The following BACH2 variants were observed in gnomAD, a reference collection of about 807,000 sequenced individuals.
BACH2 encodes BACH transcriptional regulator 2, also known as transcription regulator protein BACH2.
BACH2 carries 5 observed loss-of-function variants against 61.8 expected under a neutral mutation model. That is an observed-to-expected ratio of 0.08 (90% CI 0.04 to 0.17). BACH2 has a LOEUF of 0.17. Ranked by LOEUF, BACH2 falls within the 10% of genes least tolerant of loss-of-function variation. The pLI is 1.00. For missense variants in BACH2, 824 were observed against 1,091.1 expected (o/e 0.76, Z 3.45); for synonymous variants, 446 against 440.1 (o/e 1.01, Z -0.17).
Position 89,932,316 on chromosome 6 carries a change from T to C in BACH2, c.*92A>G, listed in dbSNP as rs1160836882. 1.3e-6 allele frequency: 2 copies of C among 1,494,570 alleles called. No individual in the cohort carries two copies. The highest frequency in any genetic ancestry group is 1.8e-6 in the Non-Finnish European group (2 of 1,102,502). 92.6% of individuals were successfully genotyped at this position (1,494,570 alleles called of 1,614,324 possible). A position where few individuals can be genotyped will look rare whatever the true frequency, so the allele number is the denominator to read the frequency against. ...TAGTGTGCACCAAATGTGTTCTCGG[T>C]TTCTTCGGGACAGCAGATGAACAGT... On this transcript the variant is annotated 3_prime_UTR_variant, in exon 9 of 9. Transcript: ENST00000257749.
At chr6:90,079,034 C>G (rs1002458177) in intron 5 of BACH2, among the ~76,000 whole-genome samples, 1 of 152,184 alleles carries the variant, frequency 6.6e-6, no homozygotes, top group Non-Finnish European at 1.5e-5. Context: ...GCCACAACCA[C>G]TCAGTCAGTG....
At chr6:89,935,860 T>G (rs980279869) in intron 8 of BACH2, among the ~76,000 whole-genome samples, 1 of 152,222 alleles carries the variant, frequency 6.6e-6, no homozygotes, top group Non-Finnish European at 1.5e-5. Flanking sequence ...TAGGCCCCTG[T>G]AGACTCACAC....
At chr6:90,030,452 G>A (rs563781414) in intron 5 of BACH2, among the ~76,000 whole-genome samples, 56 of 152,108 alleles carry the variant, frequency 3.7e-4, no homozygotes, top group East Asian at 1.5e-3. Flanking sequence ...TTGATAGACC[G>A]CTAGCAAGAC....
chr6:90,038,140 C>T (rs1475695288), intron 5 of BACH2, among the ~76,000 whole-genome samples: 3 of 152,162 alleles, frequency 2.0e-5, no homozygotes, highest in Non-Finnish European at 4.4e-5. Context: ...ACTAGAACAA[C>T]CTTAAAGAAG....
chr6:89,999,552 A>G (rs1274516896), intron 6 of BACH2, among the ~76,000 whole-genome samples: 1 of 152,206 alleles, frequency 6.6e-6, no homozygotes, highest in Non-Finnish European at 1.5e-5. Flanking sequence ...TCATAAATTA[A>G]AAAGTTTAAT....
intron 6 of BACH2, among the ~76,000 whole-genome samples, chr6:89,986,283 A>G (rs887412321): frequency 3.3e-5 from 5 of 149,608 alleles, no homozygotes; most frequent in African/African-American, 9.9e-5. Flanking sequence ...CCTTGTGGGC[A>G]TATTTCTCCT....
intron 4 of BACH2, among the ~76,000 whole-genome samples, chr6:90,134,446 A>G (rs1206502764): frequency 6.6e-6 from 1 of 152,220 alleles, no homozygotes; most frequent in East Asian, 1.9e-4. Flanking sequence ...ACATTTTACA[A>G]GAGGATGGAT....
chr6:90,124,156 C>G (rs2127820918), intron 4 of BACH2, among the ~76,000 whole-genome samples: 1 of 152,306 alleles, frequency 6.6e-6, no homozygotes, highest in Middle Eastern at 3.4e-3. Context: ...CCCAGGTGGT[C>G]TGCTCCCTCC....
Position 90,160,958 on chromosome 6 carries a change from T to C in BACH2, c.-162+45611A>G, listed in dbSNP as rs542979640. Among the ~76,000 whole-genome samples the C allele has an allele frequency of 3.0e-4, 46 of 151,992 alleles. No homozygotes were observed. The East Asian group carries it at 7.8e-3, about 26-fold the overall frequency. The stretch of plus-strand genomic sequence containing the variant: ...CAAAAATTAGCTGGGCGTGGTGGCG[T>C]GCGCTTGTAGTACCAGCTACTCTGG... On this transcript the variant is annotated intron_variant, in intron 4 of 8. Transcript: ENST00000257749.
chr6:90,094,776 C>T (rs893997015), intron 4 of BACH2, among the ~76,000 whole-genome samples: 5 of 152,122 alleles, frequency 3.3e-5, no homozygotes, highest in African/African-American at 9.7e-5. Flanking sequence ...GCCAATCTTT[C>T]GAGCTTCACC....
At chr6:90,124,731 C>G (rs1419967249) in intron 4 of BACH2, among the ~76,000 whole-genome samples, 1 of 152,106 alleles carries the variant, frequency 6.6e-6, no homozygotes, top group East Asian at 1.9e-4. Flanking sequence ...CAATGCTCAC[C>G]TAAAAATCCT....
intron 6 of BACH2, among the ~76,000 whole-genome samples, chr6:89,974,435 A>T (rs1178221411): frequency 6.6e-6 from 1 of 152,208 alleles, no homozygotes; most frequent in East Asian, 1.9e-4. Flanking sequence ...GACACAAGGG[A>T]TATGCAAAAG....
intron 4 of BACH2, among the ~76,000 whole-genome samples, chr6:90,193,979 C>G (rs1582470653): frequency 6.6e-6 from 1 of 152,066 alleles, no homozygotes; most frequent in Admixed American, 6.6e-5. Flanking sequence ...CTCTCTTCTG[C>G]CAATAGAAGT....
chr6:89,994,986 T>C (rs1218779258), intron 6 of BACH2, among the ~76,000 whole-genome samples: 1 of 152,168 alleles, frequency 6.6e-6, no homozygotes, highest in Non-Finnish European at 1.5e-5. Flanking sequence ...ATATCGTTCC[T>C]CCAACCACTT....
chr6:90,063,025 C>A, intron 5 of BACH2: 1 of 638,472 alleles, frequency 1.6e-6, no homozygotes, highest in Non-Finnish European at 1.9e-6. Flanking sequence ...TTTTAGTGTA[C>A]CTATTCTTTA....
Position 89,951,907 on chromosome 6 carries a change from C to G in BACH2, c.244-45G>C, listed in dbSNP as rs751598900. The G allele has an allele frequency of 2.5e-6, 4 of 1,580,134 alleles. No individual in the cohort carries two copies. The South Asian group carries it at 4.7e-5, about 19-fold the overall frequency. ...ATCGCCAACATTACCATCAGCACTG[C>G]TATTGTCCCGAATCCCTCAACTGAA... On this transcript the variant is annotated intron_variant, in intron 6 of 8. Transcript: ENST00000257749. The surrounding 1 kb of genome is among the most constrained non-coding windows in gnomAD (Gnocchi z 6.4).
chr6:90,158,086 G>A lies in BACH2; in HGVS notation c.-162+48483C>T, dbSNP rs532553641. 3.3e-5 allele frequency among the ~76,000 whole-genome samples: 5 copies of A among 152,068 alleles called. No individual in the cohort carries two copies. The South Asian group carries it at 1.0e-3, about 32-fold the overall frequency. ...GCATGGAGAAACATTTCAGACAAAG[G>A]GAGCACAAGCAGTGGCCAAGTAGAA... On this transcript the variant is annotated intron_variant, in intron 4 of 8. Transcript: ENST00000257749.
intron 4 of BACH2, among the ~76,000 whole-genome samples, chr6:90,135,402 T>A (rs913717303): frequency 1.3e-5 from 2 of 152,208 alleles, no homozygotes; most frequent in Admixed American, 1.3e-4. Flanking sequence ...TGCTTGACAT[T>A]GATCAGAATT....
chr6:90,212,560 C>A (rs568021034), intron 3 of BACH2, among the ~76,000 whole-genome samples: 1 of 152,308 alleles, frequency 6.6e-6, no homozygotes, highest in East Asian at 1.9e-4. Flanking sequence ...CTGCTTTGCT[C>A]CCCTGTGCGC....
Sources: allele counts gnomAD v4.1 joint callset (sites outside exome capture counted in the v4.1 genomes callset), GRCh38; gene constraint gnomAD v4.1.1; non-coding constraint Gnocchi (gnomAD v3.1); transcripts MANE v1.5; gene names NCBI Gene and HGNC (gene_info 2026-07-23, HGNC 2026-07-21).